The following XCR1 variants were observed in gnomAD, a reference collection of about 807,000 sequenced individuals.
XCR1 encodes the protein X-C motif chemokine receptor 1.
For missense variants in XCR1, 356 were observed against 424.2 expected, an observed-to-expected ratio of 0.84 and a Z score of 1.41; for synonymous variants, 187 against 188.5, an observed-to-expected ratio of 0.99 and a Z score of 0.06.
chr3:46,072,518 AAAT>A (rs1559494938), intron 3 of XCR1, among the ~76,000 whole-genome samples: 1 of 152,174 alleles, frequency 6.6e-6, no homozygotes, highest in African/African-American at 2.4e-5. Context: ...AAAATAAAAC[AAAT>A]AAAAACAAAA....
intron 1 of XCR1, among the ~76,000 whole-genome samples, chr3:46,083,145 C>G (rs1008029185): frequency 2.6e-5 from 4 of 152,192 alleles, no homozygotes; most frequent in African/African-American, 9.7e-5. Flanking sequence ...TACTAAAATC[C>G]ATGATGTTGT....
chr3:46,074,214 C>CTTTTTTTT (rs35124592), intron 3 of XCR1, among the ~76,000 whole-genome samples: 14 of 86,634 alleles, frequency 1.6e-4, no homozygotes, highest in East Asian at 3.8e-4. Flanking sequence ...TGAAGGCCAT[C>CTTTTTTTT]TTTTTTTTTT....
intron 1 of XCR1, among the ~76,000 whole-genome samples, chr3:46,027,109 T>A (rs1708308943): frequency 6.6e-6 from 1 of 151,932 alleles, no homozygotes; most frequent in South Asian, 2.1e-4. Flanking sequence ...ACTCCTGGAC[T>A]CAAGAAATCT....
At chr3:46,023,442 A>G (rs2125893547) in intron 1 of XCR1, 7 of 1,505,144 alleles carry the variant, frequency 4.7e-6, no homozygotes, top group East Asian at 2.3e-5. Context: ...AGCTGACACA[A>G]TCTGAGCAGG....
chr3:46,050,724 A>C (rs1267581399), intron 5 of XCR1, among the ~76,000 whole-genome samples: 1 of 152,204 alleles, frequency 6.6e-6, no homozygotes, highest in East Asian at 1.9e-4. Flanking sequence ...CAGAAGGCAC[A>C]GAGAAGGCAA....
chr3:46,066,072 G>A (rs1698064096), intron 4 of XCR1, among the ~76,000 whole-genome samples: 1 of 152,136 alleles, frequency 6.6e-6, no homozygotes, highest in South Asian at 2.1e-4. Context: ...CATTCCTGGT[G>A]GAGGGAGCGA....
intron 5 of XCR1, among the ~76,000 whole-genome samples, chr3:46,035,153 C>T (rs1169302448): frequency 6.6e-6 from 1 of 152,156 alleles, no homozygotes; most frequent in Non-Finnish European, 1.5e-5. Flanking sequence ...TGGGGTTTCA[C>T]CATGTTGGTC....
At chr3:46,023,233 C>T (rs1165105451) in intron 1 of XCR1, 1 of 581,260 alleles carries the variant, frequency 1.7e-6, no homozygotes, top group Non-Finnish European at 3.0e-6. Flanking sequence ...GCGTCGCGCT[C>T]CCCTGCGATC....
intron 1 of XCR1, among the ~76,000 whole-genome samples, chr3:46,026,051 T>C (rs1708280964): frequency 6.6e-6 from 1 of 152,074 alleles, no homozygotes; most frequent in Non-Finnish European, 1.5e-5. Context: ...ACCATATCAA[T>C]AGAATAAAGA....
At chr3:46,023,215 A>T (rs1422119653) in intron 1 of XCR1, 4 of 527,436 alleles carry the variant, frequency 7.6e-6, no homozygotes, top group East Asian at 3.3e-5. Flanking sequence ...CCCAGAGAGG[A>T]CGCGGCTGCG....
At chr3:46,066,364 C>T (rs1698073384) in intron 4 of XCR1, among the ~76,000 whole-genome samples, 1 of 152,218 alleles carries the variant, frequency 6.6e-6, no homozygotes, top group Admixed American at 6.5e-5. Context: ...CCTGCTTCAG[C>T]CTTCTGAGTA....
intron 5 of XCR1, among the ~76,000 whole-genome samples, chr3:46,033,556 A>G (rs1697346567): frequency 6.6e-6 from 1 of 152,196 alleles, no homozygotes; most frequent in South Asian, 2.1e-4. Context: ...GTGTCACACT[A>G]TCTTGATTAC....
chr3:46,044,073 G>T (rs1160959518), intron 5 of XCR1, among the ~76,000 whole-genome samples: 3 of 152,096 alleles, frequency 2.0e-5, no homozygotes, highest in African/African-American at 4.8e-5. Context: ...TCAGCTCACT[G>T]CAAACTCCAC....
intron 5 of XCR1, among the ~76,000 whole-genome samples, chr3:46,047,700 G>A (rs978896904): frequency 6.6e-6 from 1 of 152,190 alleles, no homozygotes; most frequent in Non-Finnish European, 1.5e-5. Context: ...GCTAAAGCCT[G>A]CTCCATGCCA....
At chr3:46,054,167 G>A (rs1177734512) in intron 4 of XCR1, among the ~76,000 whole-genome samples, 1 of 152,136 alleles carries the variant, frequency 6.6e-6, no homozygotes, top group African/African-American at 2.4e-5. Flanking sequence ...AGTGGACAAG[G>A]GCCCTGAGCT....
At chr3:46,067,782 G>T (rs556133932) in intron 3 of XCR1, among the ~76,000 whole-genome samples, 1 of 152,274 alleles carries the variant, frequency 6.6e-6, no homozygotes, top group East Asian at 1.9e-4. Context: ...AGTGCATAGG[G>T]GTGAGAACAG....
At chr3:46,051,486 T>C (rs1393533648) in intron 5 of XCR1, among the ~76,000 whole-genome samples, 2 of 152,190 alleles carry the variant, frequency 1.3e-5, no homozygotes, top group African/African-American at 2.4e-5. Flanking sequence ...TGTCTTTAGA[T>C]ATTACTGACA....
At chr3:46,070,057 A>T (rs747982428) in intron 3 of XCR1, among the ~76,000 whole-genome samples, 1 of 152,014 alleles carries the variant, frequency 6.6e-6, no homozygotes, top group Non-Finnish European at 1.5e-5. Flanking sequence ...AAGATTATTC[A>T]GGAGCATGTT....
chr3:46,032,646 C>T (rs886910303), intron 5 of XCR1, among the ~76,000 whole-genome samples: 1 of 152,092 alleles, frequency 6.6e-6, no homozygotes, highest in Non-Finnish European at 1.5e-5. Context: ...GAAAAGAGAC[C>T]CCCCAAAGAT....
Sources: gnomAD v4.1 joint callset for allele counts (sites outside exome capture counted in the v4.1 genomes callset) on GRCh38, gnomAD v4.1.1 for gene constraint, MANE v1.5 for transcripts, NCBI Gene and HGNC (gene_info 2026-07-23, HGNC 2026-07-21) for gene names.